The following MPO variants were observed in gnomAD, a reference collection of about 807,000 sequenced individuals.
The protein encoded by MPO is myeloperoxidase.
In MPO, 57 loss-of-function variants were observed where a neutral mutation model predicts 69.4. The ratio of observed to expected loss-of-function variants is 0.82; its 90% CI spans 0.66 to 1.02. The LOEUF (loss-of-function observed/expected upper bound fraction) is 1.02. Ranked by LOEUF, MPO falls within the 50% of genes least tolerant of loss-of-function variation. MPO has a pLI of 0.00. For missense variants in MPO, 971 were observed against 1,014.1 expected (o/e 0.96, Z 0.58); for synonymous variants, 426 against 417.1 (o/e 1.02, Z -0.26).
intron 10 of MPO, among the ~76,000 whole-genome samples, 200 bp from the exon 11 acceptor site, chr17:58,272,092 C>A (rs961775284): frequency 1.1e-4 from 17 of 152,240 alleles, no homozygotes; most frequent in African/African-American, 3.9e-4. Context: ...AGGGGCACAA[C>A]TGGGCCTCTC....
In MPO at chr17:58,270,722, G is replaced by A; in HGVS notation, c.2172C>T (p.Pro724=). 1 of 1,614,120 alleles carries A rather than the reference G, an allele frequency of 6.2e-7. No individual in the cohort carries two copies. Residue 724 remains proline, a synonymous_variant, in exon 12 of 12, where the codon CCC becomes CCT. Transcript: ENST00000225275. The surrounding 1 kb of genome is among the most constrained non-coding windows in gnomAD (Gnocchi z 4.1). ...KNNIFMSNSY[P]RDFVNCSTLP... ...GTGTACTGCAGTTGACAAAGTCCCG[G>A]GGATATGAGTTGGACATGAAGATGT...
chr17:58,277,806 G>T, intron 7 of MPO, 21 bp downstream of exon 7: 1 of 1,599,550 alleles, frequency 6.3e-7, no homozygotes, highest in Non-Finnish European at 8.5e-7. Flanking sequence ...TGCCACCTCT[G>T]GTCCCCACCC....
intron 11 of MPO, among the ~76,000 whole-genome samples, chr17:58,271,068 A>C (rs1252168515): frequency 6.6e-6 from 1 of 152,214 alleles, no homozygotes; most frequent in Non-Finnish European, 1.5e-5. Context: ...ACAGCTGCCC[A>C]GTGGCCTTTC....
chr17:58,271,908 G>C lies in MPO; in HGVS notation c.1793-16C>G, dbSNP rs779965358. On this transcript the variant is annotated splice_polypyrimidine_tract_variant and intron_variant, in intron 10 of 11. Transcript: ENST00000225275. ...GCATTGTATCCTGCATGGGGGAGGG[G>C]ACAGGTGGCTATGGGCAGGTCTCTC... The C allele has an allele frequency of 6.2e-7, 1 of 1,612,814 alleles. No individual in the cohort carries two copies. Among genetic ancestry groups the C allele is most frequent in the South Asian group, 1.1e-5 (1 of 91,062 alleles).
chr17:58,276,148 G>T (rs967617853), intron 7 of MPO, among the ~76,000 whole-genome samples: 4 of 152,224 alleles, frequency 2.6e-5, no homozygotes, highest in African/African-American at 9.6e-5. Flanking sequence ...ATTCCAAGGA[G>T]TGTCTGGGAA....
Position 58,280,446 on chromosome 17 carries a change from C to T in MPO, c.168G>A (p.Glu56=), listed in dbSNP as rs749073976. 6.2e-7 allele frequency: 1 copy of T among 1,614,104 alleles called. No homozygotes were observed. Among genetic ancestry groups the T allele is most frequent in the African/African-American group, 1.3e-5 (1 of 75,038 alleles). Residue 56 remains glutamate, a synonymous_variant, in exon 2 of 12, where the codon GAG becomes GAA. Transcript: ENST00000225275. ...SEGAAPAVLG[E]VDTSLVLSSM... is the part of the protein sequence containing the mutation. ...AGCTCAGCACCAACGAGGTGTCCAC[C>T]TCCCCCAGGACAGCTGCCCAGAGCA...
intron 11 of MPO, 104 bp downstream of exon 11, chr17:58,271,551 G>T: frequency 2.6e-6 from 3 of 1,137,306 alleles, no homozygotes; most frequent in Non-Finnish European, 3.9e-6. Context: ...GAAAATTACT[G>T]ACTCCCTCCA....
At chr17:58,272,050 C>T (rs118046242) in intron 10 of MPO, among the ~76,000 whole-genome samples, 158 bp from the exon 11 acceptor site, 132 of 152,350 alleles carry the variant, frequency 8.7e-4, no homozygotes, top group Non-Finnish European at 1.5e-3. Context: ...AGGACCTCAC[C>T]TCAAGGAACC....
At chr17:58,276,878 G>A (rs1389809348) in intron 7 of MPO, among the ~76,000 whole-genome samples, 1 of 152,158 alleles carries the variant, frequency 6.6e-6, no homozygotes, top group African/African-American at 2.4e-5. Context: ...GGAGGTTAAG[G>A]TGGGCAGATC....
Position 58,275,620 on chromosome 17 carries a change from C to T in MPO, c.1287G>A (p.Glu429=). 1.2e-6 allele frequency: 2 copies of T among 1,614,172 alleles called. No individual in the cohort carries two copies. The highest frequency in any genetic ancestry group is 2.2e-5 in the East Asian group (1 of 44,872). ...LLREHNRLAT[E]LKSLNPRWDG... is the part of the protein sequence containing the mutation. ...CCCACCTAGGGTTCAGGCTCTTGAG[C>T]TCTGTGGCCAGCCGGTTGTGCTCCC... The change falls in exon 8 of 12, where the codon GAG becomes GAA. Residue 429 remains glutamate, a synonymous_variant. Coordinates refer to ENST00000225275, the MANE Select transcript of MPO (RefSeq NM_000250.2). This position sits in a 1 kb window ranked among gnomAD's most constrained non-coding sequence, Gnocchi z 4.1.
At position 58,280,862 on chromosome 17, in the gene MPO, C is replaced by T. The variant is rs1970509932; in HGVS notation, c.-104G>A. 1.5e-6 allele frequency: 2 copies of T among 1,370,984 alleles called. No homozygotes were observed. The highest frequency in any genetic ancestry group is 2.9e-5 in the African/African-American group (2 of 69,152). 84.9% of individuals were successfully genotyped at this position (1,370,984 alleles called of 1,614,324 possible). ...ACCTCCTTGAGGGAGGGGCTCACTG[C>T]TCTCTTATCCCCTTGCCAGCTGCTG... On this transcript the variant is annotated 5_prime_UTR_variant, in exon 1 of 12. Coordinates refer to ENST00000225275, the MANE Select transcript of MPO (RefSeq NM_000250.2).
intron 8 of MPO, chr17:58,274,234 T>C (rs1970406038): frequency 2.1e-6 from 1 of 485,180 alleles, no homozygotes; most frequent in African/African-American, 1.9e-5. Context: ...AGTCTCACTC[T>C]ACATTCTAGA....
Position 58,275,837 on chromosome 17 carries a change from A to C in MPO, c.1205-135T>G. 1 of 1,098,146 alleles carries C rather than the reference A, an allele frequency of 9.1e-7. No individual in the cohort carries two copies. The highest frequency in any genetic ancestry group is 1.3e-6 in the Non-Finnish European group (1 of 745,466). 68.0% of individuals were successfully genotyped at this position (1,098,146 alleles called of 1,614,324 possible). On this transcript the variant is annotated intron_variant, in intron 7 of 11. Transcript: ENST00000225275. The surrounding 1 kb of genome is among the most constrained non-coding windows in gnomAD (Gnocchi z 4.1). Reference sequence around the variant, plus strand: ...TCCTCCCCATCCATCTTTTCAAACTATCCCCAATTTACACTCCTCTAGGAG... The same window carrying C: ...TCCTCCCCATCCATCTTTTCAAACTCTCCCCAATTTACACTCCTCTAGGAG...
chr17:58,274,088 T>C (rs1205859750), intron 8 of MPO: 8 of 445,418 alleles, frequency 1.8e-5, no homozygotes, highest in Non-Finnish European at 3.2e-5. Flanking sequence ...ATTGAAGTTG[T>C]TGAAATTCTT....
intron 6 of MPO, 43 bp downstream of exon 6, chr17:58,278,965 C>T: frequency 6.4e-7 from 1 of 1,565,348 alleles, no homozygotes; most frequent in Non-Finnish European, 8.6e-7. Context: ...CAGAAACAAT[C>T]TCCCCTCTCC....
intron 11 of MPO, among the ~76,000 whole-genome samples, chr17:58,271,447 C>T (rs1373200681): frequency 6.6e-6 from 1 of 152,204 alleles, no homozygotes; most frequent in Non-Finnish European, 1.5e-5. Flanking sequence ...CCCTTTACAA[C>T]CAGGGGTCCA....
chr17:58,275,679 G>C lies in MPO; in HGVS notation c.1228C>G (p.Pro410Ala). Residue 410 changes from proline to alanine, a missense_variant, in exon 8 of 12, where the codon CCC becomes GCC. Physicochemically the swap from Pro to Ala is conservative, Grantham distance 27. Transcript: ENST00000225275. The surrounding 1 kb of genome is among the most constrained non-coding windows in gnomAD (Gnocchi z 4.1). Reference sequence around the variant, plus strand: ...AGGGTGTGCATGGAGGTGAGCTCGGGCATCTCACTGGAACGGGTGTCCCCT... The same window carrying C: ...AGGGTGTGCATGGAGGTGAGCTCGGCCATCTCACTGGAACGGGTGTCCCCT... The part of the protein sequence containing the change: ...LAGDTRSSEM[P>A]ELTSMHTLLL... 2.5e-6 allele frequency: 4 copies of C among 1,614,200 alleles called. No homozygotes were observed. Among genetic ancestry groups the C allele is most frequent in the South Asian group, 1.1e-5 (1 of 91,084 alleles).
intron 8 of MPO, among the ~76,000 whole-genome samples, chr17:58,273,897 A>G (rs1446921586): frequency 1.3e-5 from 2 of 152,206 alleles, no homozygotes; most frequent in Admixed American, 6.5e-5. Context: ...ACCTTGGACC[A>G]ATTATTAACC....
At chr17:58,272,190 A>G (rs1598039342) in intron 10 of MPO, among the ~76,000 whole-genome samples, 1 of 152,214 alleles carries the variant, frequency 6.6e-6, no homozygotes, top group Non-Finnish European at 1.5e-5. Flanking sequence ...GAATAGGGAC[A>G]TCTCCTTGTC....
Sources: gnomAD v4.1 joint callset for allele counts (sites outside exome capture counted in the v4.1 genomes callset) on GRCh38, gnomAD v4.1.1 for gene constraint, Gnocchi (gnomAD v3.1) non-coding constraint, MANE v1.5 for transcripts, NCBI Gene and HGNC (gene_info 2026-07-23, HGNC 2026-07-21) for gene names.